RORB: variants seen among roughly 807,000 people sequenced by gnomAD.
RORB encodes the protein RAR related orphan receptor B.
RORB carries 6 observed loss-of-function variants against 59.1 expected under a neutral mutation model. The ratio of observed to expected loss-of-function variants is 0.10; its 90% CI spans 0.06 to 0.20. The LOEUF is 0.20. Among genes scored for constraint, RORB ranks in the 10% least tolerant of loss-of-function variants. The pLI, the probability that RORB is intolerant of heterozygous loss-of-function variation, is 1.00. For missense variants in RORB, 320 were observed against 560.5 expected (o/e 0.57, Z 4.33); for synonymous variants, 215 against 204.5 (o/e 1.05, Z -0.44).
intron 4 of RORB, among the ~76,000 whole-genome samples, chr9:74,650,304 T>C (rs773980312): frequency 6.6e-6 from 1 of 152,212 alleles, no homozygotes; most frequent in Non-Finnish European, 1.5e-5. Context: ...CTGAATTACT[T>C]TTCCACTGGC....
chr9:74,646,906 C>T lies in RORB; in HGVS notation c.637+4091C>T, dbSNP rs538190820. Reference sequence around the variant, plus strand: ...CACACTCTTCTGGAGGTGAGGGAGACGGCAAGTATTGATCAACCTGAGCCA... The same window carrying T: ...CACACTCTTCTGGAGGTGAGGGAGATGGCAAGTATTGATCAACCTGAGCCA... On this transcript the variant is annotated intron_variant, in intron 4 of 9. Coordinates refer to ENST00000376896, the MANE Select transcript of RORB (RefSeq NM_006914.4). Among the ~76,000 whole-genome samples the T allele has an allele frequency of 6.6e-5, 10 of 152,138 alleles. No individual in the cohort carries two copies. In the South Asian group the frequency reaches 1.2e-3, roughly 19 times the overall value.
At chr9:74,512,988 T>C (rs1707907958) in intron 1 of RORB, among the ~76,000 whole-genome samples, 2 of 152,212 alleles carry the variant, frequency 1.3e-5, no homozygotes, top group South Asian at 2.1e-4. Context: ...AAATCGTCTT[T>C]TGCAAGTCAG....
At chr9:74,575,145 T>A (rs1231906510) in intron 1 of RORB, among the ~76,000 whole-genome samples, 3 of 152,140 alleles carry the variant, frequency 2.0e-5, no homozygotes, top group Non-Finnish European at 4.4e-5. Flanking sequence ...CAGTAACAAC[T>A]GCAAGACTAT....
rs538369649 is a variant in RORB, at chr9:74,631,705, C to A, written c.93+1338C>A. On this transcript the variant is annotated intron_variant, in intron 2 of 9. Coordinates refer to ENST00000376896, the MANE Select transcript of RORB (RefSeq NM_006914.4). ...ACTAACCTGTCAACACACTGCTCTA[C>A]TTTAAAGATGATTAGTGATAATCTA... Among the ~76,000 whole-genome samples the A allele has an allele frequency of 2.0e-5, 3 of 152,298 alleles. No homozygotes were observed. In the South Asian group the frequency reaches 6.2e-4, roughly 32 times the overall value.
intron 1 of RORB, among the ~76,000 whole-genome samples, chr9:74,595,734 G>A (rs1487904787): frequency 1.3e-5 from 2 of 152,150 alleles, no homozygotes; most frequent in African/African-American, 4.8e-5. Context: ...TCTAGCCATC[G>A]TCTAAGATTT....
rs568387137 is a variant in RORB at position 74,687,956 on chromosome 9, A to G, written c.*2338A>G. 5.9e-5 allele frequency: 9 copies of G among 152,318 alleles called. No individual in the cohort carries two copies. In the East Asian group the frequency reaches 1.4e-3, roughly 23 times the overall value. The allele number at this position is 152,318 out of a possible 1,614,324, so 9.4% of individuals were successfully genotyped here. On this transcript the variant is annotated 3_prime_UTR_variant, in exon 10 of 10. Coordinates refer to ENST00000376896, the MANE Select transcript of RORB (RefSeq NM_006914.4). ...TGTTGGCCTAGTGTTTTCCATTGTC[A>G]GCCTGTAATTCCTGCTCAGTTGCAG...
chr9:74,568,190 A>G (rs1027102687), intron 1 of RORB, among the ~76,000 whole-genome samples: 5 of 152,120 alleles, frequency 3.3e-5, no homozygotes, highest in African/African-American at 1.2e-4. Flanking sequence ...ACTGGACAAC[A>G]CTCACAAAAG....
chr9:74,570,618 G>A (rs1262488414), intron 1 of RORB, among the ~76,000 whole-genome samples: 1 of 152,098 alleles, frequency 6.6e-6, no homozygotes, highest in Non-Finnish European at 1.5e-5. Flanking sequence ...TACAATTTTA[G>A]GGGAGCAAGA....
chr9:74,668,179 AG>A (rs1212815397), intron 8 of RORB, among the ~76,000 whole-genome samples: 2 of 152,370 alleles, frequency 1.3e-5, no homozygotes, highest in Admixed American at 1.3e-4. Context: ...GAAGACAAAT[AG>A]TGGCCTGAGT....
chr9:74,607,621 T>C (rs1010226200), intron 1 of RORB, among the ~76,000 whole-genome samples: 1 of 151,234 alleles, frequency 6.6e-6, no homozygotes, highest in African/African-American at 2.4e-5. Flanking sequence ...CACACACACA[T>C]AAGTGTATTC....
intron 1 of RORB, among the ~76,000 whole-genome samples, chr9:74,575,501 C>T (rs1822620386): frequency 6.6e-6 from 1 of 152,082 alleles, no homozygotes; most frequent in Non-Finnish European, 1.5e-5. Context: ...TTGTATTCAC[C>T]TGCCTGACAG....
At chr9:74,645,320 T>C (rs1823876989) in intron 4 of RORB, among the ~76,000 whole-genome samples, 1 of 152,174 alleles carries the variant, frequency 6.6e-6, no homozygotes, top group Non-Finnish European at 1.5e-5. Context: ...ACATTGACAC[T>C]CATTTCACTA....
At chr9:74,513,859 A>T (rs1437625184) in intron 1 of RORB, among the ~76,000 whole-genome samples, 1 of 152,090 alleles carries the variant, frequency 6.6e-6, no homozygotes, top group Non-Finnish European at 1.5e-5. Flanking sequence ...TGCTTCAAAA[A>T]TTACATCCTT....
intron 1 of RORB, among the ~76,000 whole-genome samples, chr9:74,505,928 G>A (rs1316133607): frequency 6.6e-6 from 1 of 151,258 alleles, no homozygotes; most frequent in African/African-American, 2.4e-5. Context: ...AAAGTATATT[G>A]AAGGTGAGAC....
chr9:74,600,739 A>G (rs558992043), intron 1 of RORB, among the ~76,000 whole-genome samples: 18 of 152,330 alleles, frequency 1.2e-4, no homozygotes, highest in African/African-American at 4.1e-4. Context: ...TATAAGTCCT[A>G]TTTTATCAGT....
chr9:74,647,903 C>T (rs1188203903), intron 4 of RORB, among the ~76,000 whole-genome samples: 1 of 152,158 alleles, frequency 6.6e-6, no homozygotes, highest in East Asian at 1.9e-4. Context: ...GGTCTTAAAG[C>T]AGCATCTTTA....
chr9:74,585,782 G>C (rs971146478), intron 1 of RORB, among the ~76,000 whole-genome samples: 3 of 41,058 alleles, frequency 7.3e-5, no homozygotes, highest in Non-Finnish European at 2.0e-4. Context: ...TTTTCACAGG[G>C]GATATTTATT....
At chr9:74,507,929 T>C (rs1825890708) in intron 1 of RORB, among the ~76,000 whole-genome samples, 1 of 152,042 alleles carries the variant, frequency 6.6e-6, no homozygotes, top group Non-Finnish European at 1.5e-5. Flanking sequence ...GAAAAACACA[T>C]CATATCGTTA....
chr9:74,662,611 G>A lies in RORB; in HGVS notation c.892+5G>A. On this transcript the variant is annotated splice_donor_5th_base_variant and intron_variant, in intron 6 of 9. Transcript: ENST00000376896. ...AAATTCTACTTCTGAAGTCAGGTAA[G>A]CAAGAAGATTCATGGGAGGCCTATT... 6.2e-7 allele frequency: 1 copy of A among 1,613,014 alleles called. No homozygotes were observed. The highest frequency in any genetic ancestry group is 1.1e-5 in the South Asian group (1 of 91,080).
Sources: gnomAD v4.1 joint callset for allele counts (sites outside exome capture counted in the v4.1 genomes callset) on GRCh38, gnomAD v4.1.1 for gene constraint, MANE v1.5 for transcripts, NCBI Gene and HGNC (gene_info 2026-07-23, HGNC 2026-07-21) for gene names.